FCHSD2: variants seen among roughly 807,000 people sequenced by gnomAD.
FCHSD2 encodes the protein F-BAR and double SH3 domains protein 2.
A neutral mutation model predicts 108.1 loss-of-function variants in FCHSD2; 38 were observed. That is an observed-to-expected ratio of 0.35 (90% CI 0.27 to 0.46). The LOEUF is 0.46. FCHSD2 is among the 20% of genes least tolerant of loss of function. The pLI is 1.00. For synonymous variants in FCHSD2, 279 were observed against 314.7 expected (o/e 0.89, Z 1.20); for missense variants, 751 against 897.8 (o/e 0.84, Z 2.09).
Position 72,970,976 on chromosome 11 carries a change from G to C in FCHSD2, c.705+13112C>G, listed in dbSNP as rs975538594. Among the ~76,000 whole-genome samples the C allele has an allele frequency of 3.3e-5, 5 of 152,272 alleles. No individual in the cohort carries two copies. The South Asian group carries it at 1.0e-3, about 32-fold the overall frequency. ...TCAATAGGCAGCATTAATGAGAAACGTGAGATAGCAAGCCCTCAGAATTCA... is the reference window on the plus strand; with the variant it reads ...TCAATAGGCAGCATTAATGAGAAACCTGAGATAGCAAGCCCTCAGAATTCA... On this transcript the variant is annotated intron_variant, in intron 8 of 19. Transcript: ENST00000409418.
intron 10 of FCHSD2, among the ~76,000 whole-genome samples, chr11:72,892,369 C>T (rs1855331087): frequency 6.6e-6 from 1 of 152,112 alleles, no homozygotes. Context: ...TAGGGAATGA[C>T]ACAAAACTAA....
At chr11:72,930,335 C>A (rs985909254) in intron 8 of FCHSD2, among the ~76,000 whole-genome samples, 1 of 152,200 alleles carries the variant, frequency 6.6e-6, no homozygotes, top group Non-Finnish European at 1.5e-5. Context: ...TTTACTAGTG[C>A]CAACCTTCTC....
intron 2 of FCHSD2, among the ~76,000 whole-genome samples, chr11:73,086,383 G>A (rs960225210): frequency 6.6e-6 from 1 of 152,148 alleles, no homozygotes; most frequent in Non-Finnish European, 1.5e-5. Context: ...ACTCCAGCCT[G>A]GGAAAGAGAG....
chr11:72,934,224 G>T lies in FCHSD2; in HGVS notation c.706-12274C>A, dbSNP rs370273285. ...TGAAGATGCATCTGTATCTTGTCTA[G>T]CATTTTACATTTAAATGAGCAAAAC... On this transcript the variant is annotated intron_variant, in intron 8 of 19. Transcript: ENST00000409418. 5.2e-4 allele frequency among the ~76,000 whole-genome samples: 78 copies of T among 151,160 alleles called. No individual in the cohort carries two copies. In the South Asian group the frequency reaches 7.5e-3, roughly 15 times the overall value.
chr11:72,951,408 A>G (rs184901859), intron 8 of FCHSD2, among the ~76,000 whole-genome samples: 1 of 152,352 alleles, frequency 6.6e-6, no homozygotes, highest in Admixed American at 6.5e-5. Context: ...AACGAGAGCG[A>G]CAGATTACGC....
At chr11:73,094,842 TG>T (rs1465386803) in intron 2 of FCHSD2, among the ~76,000 whole-genome samples, 3 of 152,172 alleles carry the variant, frequency 2.0e-5, no homozygotes, top group Admixed American at 6.6e-5. Context: ...ACTAAAATGA[TG>T]ACCTGAGAAT....
intron 8 of FCHSD2, among the ~76,000 whole-genome samples, chr11:72,940,094 T>C (rs1856384911): frequency 1.3e-5 from 2 of 152,190 alleles, no homozygotes; most frequent in Non-Finnish European, 2.9e-5. Flanking sequence ...TGACCTACCA[T>C]AGGTGACTCT....
intron 3 of FCHSD2, among the ~76,000 whole-genome samples, chr11:73,060,490 T>TTA (rs1234236280): frequency 6.6e-6 from 1 of 152,144 alleles, no homozygotes; most frequent in East Asian, 1.9e-4. Context: ...AAGGAACACA[T>TTA]TACAGTGAGA....
intron 12 of FCHSD2, among the ~76,000 whole-genome samples, chr11:72,878,020 C>G (rs1463223818): frequency 6.6e-6 from 1 of 151,854 alleles, no homozygotes; most frequent in Non-Finnish European, 1.5e-5. Context: ...ATATATAAAG[C>G]AAATAAAATA....
At chr11:72,874,545 G>A (rs1264923141) in intron 12 of FCHSD2, among the ~76,000 whole-genome samples, 1 of 152,152 alleles carries the variant, frequency 6.6e-6, no homozygotes. Context: ...TTAAAAGAGT[G>A]AACCAACAAG....
chr11:72,986,871 G>A (rs772390259), intron 6 of FCHSD2, among the ~76,000 whole-genome samples: 1 of 152,048 alleles, frequency 6.6e-6, no homozygotes, highest in Non-Finnish European at 1.5e-5. Context: ...ACTATACCGC[G>A]TGCTACTCTT....
At chr11:72,919,468 TAGA>T (rs1180021567) in intron 9 of FCHSD2, among the ~76,000 whole-genome samples, 7 of 152,174 alleles carry the variant, frequency 4.6e-5, no homozygotes, top group Non-Finnish European at 8.8e-5. Context: ...GAGAATATAG[TAGA>T]AGATCATGGA....
At chr11:72,907,210 T>C (rs1291325483) in intron 9 of FCHSD2, among the ~76,000 whole-genome samples, 1 of 152,242 alleles carries the variant, frequency 6.6e-6, no homozygotes, top group Non-Finnish European at 1.5e-5. Context: ...CTGAAGTTGC[T>C]TATCAGCTTA....
chr11:73,080,870 G>A (rs1268454960), intron 3 of FCHSD2, among the ~76,000 whole-genome samples: 1 of 152,008 alleles, frequency 6.6e-6, no homozygotes, highest in African/African-American at 2.4e-5. Context: ...CTTGAACCCA[G>A]GAGGCGGAAG....
rs1376378652 is a variant in FCHSD2, at chr11:72,988,972, G to A, written c.513C>T (p.Ile171=). 6 of 1,602,726 alleles carry A rather than the reference G, an allele frequency of 3.7e-6. No homozygotes were observed. The highest frequency in any genetic ancestry group is 3.6e-5 in the Admixed American group (2 of 56,230). Reference sequence around the variant, plus strand: ...AATGTTAAAACACATACTTTGCCTCGATGTCAGCTTTCTCTCGTACTGCAT... The same window carrying A: ...AATGTTAAAACACATACTTTGCCTCAATGTCAGCTTTCTCTCGTACTGCAT... ...MAHAVREKAD[I]EAKSKLSLFQ... Residue 171 remains isoleucine, a synonymous_variant, in exon 6 of 20, where the codon ATC becomes ATT. Transcript: ENST00000409418.
At chr11:72,852,421 G>C (rs1452981657) in intron 13 of FCHSD2, among the ~76,000 whole-genome samples, 1 of 152,176 alleles carries the variant, frequency 6.6e-6, no homozygotes, top group Non-Finnish European at 1.5e-5. Context: ...CACATGGGCA[G>C]GAGTGGTGGC....
In FCHSD2 at chr11:72,868,124, T is replaced by C. The variant is rs1000245407; in HGVS notation, c.1147-98A>G. 2.7e-6 allele frequency: 3 copies of C among 1,127,446 alleles called. No homozygotes were observed. In the African/African-American group the frequency reaches 4.7e-5, roughly 18 times the overall value. The allele number at this position is 1,127,446 out of a possible 1,614,324, so 69.8% of individuals were successfully genotyped here. On this transcript the variant is annotated intron_variant, in intron 12 of 19. Coordinates refer to ENST00000409418, the MANE Select transcript of FCHSD2 (RefSeq NM_014824.3). ...AAATGCCCATCAATGATCGACTGGA[T>C]AAAGAAAATGTGGTACATATACACC...
intron 3 of FCHSD2, among the ~76,000 whole-genome samples, chr11:73,037,692 G>T (rs1858531133): frequency 1.3e-5 from 2 of 152,146 alleles, no homozygotes; most frequent in Non-Finnish European, 2.9e-5. Context: ...GTCAGATATA[G>T]CCCTATTGAT....
chr11:72,990,295 A>G (rs1164284117), intron 5 of FCHSD2, among the ~76,000 whole-genome samples: 2 of 152,196 alleles, frequency 1.3e-5, no homozygotes, highest in Non-Finnish European at 2.9e-5. Context: ...TTATTAGGCA[A>G]CATTGCTTAC....
Sources: allele counts gnomAD v4.1 joint callset (sites outside exome capture counted in the v4.1 genomes callset), GRCh38; gene constraint gnomAD v4.1.1; transcripts MANE v1.5; gene names NCBI Gene and HGNC (gene_info 2026-07-23, HGNC 2026-07-21).